The following TJAP1 variants were observed in gnomAD, a reference collection of about 807,000 sequenced individuals.
TJAP1 encodes the protein tight junction-associated protein 1.
TJAP1 carries 27 observed loss-of-function variants against 42.0 expected under a neutral mutation model. The ratio of observed to expected loss-of-function variants is 0.64; its 90% confidence interval spans 0.47 to 0.89. The LOEUF (loss-of-function observed/expected upper bound fraction) is 0.89, where lower values mean the gene tolerates loss of function less well. TJAP1 is among the 40% of genes least tolerant of loss of function. The probability of loss-of-function intolerance (pLI) is 0.00; values close to 1 mark genes in which losing one functional copy is unlikely to be tolerated. For missense variants in TJAP1, 712 were observed against 726.9 expected (o/e 0.98, Z 0.24); for synonymous variants, 257 against 288.4 (o/e 0.89, Z 1.10).
rs780813676 is a variant in TJAP1, at chr6:43,505,412, C to T, written c.1231C>T (p.Leu411=). The stretch of plus-strand genomic sequence containing the variant: ...CTCTGCCAGCTCTGAAGAGGACCTG[C>T]TGGTCAGCTGGCAGCGGGCATTTGT... The change falls in exon 11 of 11, where the codon CTG becomes TTG. Residue 411 remains leucine (L), a synonymous_variant. Transcript: ENST00000372449. This position sits in a 1 kb window ranked among gnomAD's most constrained non-coding sequence, Gnocchi z 5.5. 1.2e-6 allele frequency: 2 copies of T among 1,612,434 alleles called. No individual in the cohort carries two copies. Among genetic ancestry groups the T allele is most frequent in the Non-Finnish European group, 1.7e-6 (2 of 1,179,994 alleles).
At chr6:43,502,467 C>T (rs1582107548) in intron 7 of TJAP1, 118 bp downstream of exon 7, 4 of 1,489,582 alleles carry the variant, frequency 2.7e-6, no homozygotes, top group East Asian at 2.4e-5. Flanking sequence ...TGGGATGGGG[C>T]AGTGGTGGGG....
rs753646998 is a variant in TJAP1 at position 43,503,516 on chromosome 6, C to T, written c.495+8C>T. On this transcript the variant is annotated splice_region_variant and intron_variant, in intron 9 of 10. Transcript: ENST00000372449. ...AAGCTGGAAGAGCTCAATGTATGTG[C>T]GCTTCACTACTCGGGCCTTCCTCAC... 6.8e-5 allele frequency: 109 copies of T among 1,612,346 alleles called. No individual in the cohort carries two copies. Among genetic ancestry groups the T allele is most frequent in the Middle Eastern group, 1.6e-4 (1 of 6,082 alleles).
chr6:43,500,351 G>A (rs116406481), intron 4 of TJAP1, among the ~76,000 whole-genome samples: 1,590 of 152,250 alleles, frequency 0.01, 26 homozygotes, highest in African/African-American at 0.035. Context: ...CTCAGAACTC[G>A]TGTGTATAGT....
At chr6:43,503,970 G>T in intron 10 of TJAP1, 1 of 675,126 alleles carries the variant, frequency 1.5e-6, no homozygotes. Flanking sequence ...AGGAAGGAGA[G>T]GGTAGTCAGA....
chr6:43,482,332 A>G (rs1195754857), intron 2 of TJAP1, among the ~76,000 whole-genome samples: 1 of 152,142 alleles, frequency 6.6e-6, no homozygotes. Flanking sequence ...TCAGATATTT[A>G]TGAAGCCAAT....
At chr6:43,483,602 CAT>C (rs937930722) in intron 2 of TJAP1, among the ~76,000 whole-genome samples, 2 of 152,170 alleles carry the variant, frequency 1.3e-5, no homozygotes, top group African/African-American at 4.8e-5. Context: ...CTTTGCAGAA[CAT>C]GTGGTGGAGA....
At chr6:43,498,877 G>A in intron 3 of TJAP1, 101 bp from the exon 4 acceptor site, 1 of 1,283,744 alleles carries the variant, frequency 7.8e-7, no homozygotes, top group African/African-American at 1.5e-5. Flanking sequence ...AGCCTATGTG[G>A]TGGCCTCAAC....
exon 2 of TJAP1, chr6:43,478,158 G>A (rs537297807): frequency 1.7e-3 from 255 of 152,292 alleles, no homozygotes; most frequent in African/African-American, 5.9e-3. Flanking sequence ...GGTGCCCCAG[G>A]GACTGGAAGA....
intron 2 of TJAP1, among the ~76,000 whole-genome samples, chr6:43,480,436 A>G (rs367848652): frequency 3.9e-4 from 60 of 152,380 alleles, no homozygotes; most frequent in Middle Eastern, 3.4e-3. Context: ...AATGATGATA[A>G]TAATAACAAT....
chr6:43,487,547 T>C (rs569702359), intron 2 of TJAP1, among the ~76,000 whole-genome samples: 1 of 152,102 alleles, frequency 6.6e-6, no homozygotes, highest in Non-Finnish European at 1.5e-5. Context: ...GCAAATCACT[T>C]GTGCTTTCTG....
At chr6:43,478,431 T>C (rs766465660) in intron 2 of TJAP1, among the ~76,000 whole-genome samples, 199 bp downstream of exon 2, 2 of 152,212 alleles carry the variant, frequency 1.3e-5, no homozygotes, top group Non-Finnish European at 2.9e-5. Flanking sequence ...AATTAAGCCT[T>C]GTGTGCCTTC....
intron 2 of TJAP1, among the ~76,000 whole-genome samples, chr6:43,486,480 C>T (rs1027970986): frequency 2.6e-5 from 4 of 151,744 alleles, no homozygotes; most frequent in South Asian, 2.1e-4. Context: ...CCCAGCCTCC[C>T]GAGTAGCTGG....
chr6:43,501,890 GCCACACAC>G, intron 6 of TJAP1, among the ~76,000 whole-genome samples: 1 of 55,418 alleles, frequency 1.8e-5, no homozygotes, highest in East Asian at 4.0e-4. Context: ...GGAATGCGGG[GCCACACAC>G]ACACACACAC....
chr6:43,498,085 G>A (rs1789628859), intron 3 of TJAP1, 108 bp downstream of exon 3: 1 of 152,260 alleles, frequency 6.6e-6, no homozygotes, highest in Non-Finnish European at 1.5e-5. Flanking sequence ...GAAAAGAGTG[G>A]TGGAGGCCAC....
chr6:43,487,870 G>GTTTTTTTTTTTTT (rs549444658), intron 2 of TJAP1, among the ~76,000 whole-genome samples: 3 of 138,362 alleles, frequency 2.2e-5, no homozygotes, highest in African/African-American at 5.4e-5. Context: ...CCTTCTAGTA[G>GTTTTTTTTTTTTT]TTTTTTTTTT....
At chr6:43,488,866 C>T (rs186081268) in intron 2 of TJAP1, among the ~76,000 whole-genome samples, 6 of 152,222 alleles carry the variant, frequency 3.9e-5, no homozygotes, top group African/African-American at 1.4e-4. Context: ...CATGGGGAGC[C>T]CAGTGTGTAG....
intron 2 of TJAP1, among the ~76,000 whole-genome samples, chr6:43,486,168 T>C (rs761372295): frequency 4.0e-5 from 6 of 151,820 alleles, no homozygotes; most frequent in Non-Finnish European, 8.8e-5. Context: ...TTTCGCCATT[T>C]TGGCCAGGCT....
At chr6:43,480,600 C>A (rs79083448) in intron 2 of TJAP1, among the ~76,000 whole-genome samples, 7 of 152,142 alleles carry the variant, frequency 4.6e-5, no homozygotes, top group African/African-American at 1.7e-4. Flanking sequence ...CTGCAACCGC[C>A]GCCTCCCAGG....
chr6:43,488,181 T>C (rs1463266083), intron 2 of TJAP1, among the ~76,000 whole-genome samples: 3 of 152,170 alleles, frequency 2.0e-5, no homozygotes, highest in Non-Finnish European at 4.4e-5. Flanking sequence ...CTCTAATAGC[T>C]TTTTTTATAC....
Sources: allele counts gnomAD v4.1 joint callset (sites outside exome capture counted in the v4.1 genomes callset), GRCh38; gene constraint gnomAD v4.1.1; non-coding constraint Gnocchi (gnomAD v3.1); transcripts MANE v1.5; gene names NCBI Gene and HGNC (gene_info 2026-07-23, HGNC 2026-07-21).